AFF3: variants seen among roughly 807,000 people sequenced by gnomAD.
AFF3 encodes AF4/FMR2 family member 3.
AFF3 carries 32 observed loss-of-function variants against 129.7 expected under a neutral mutation model. The ratio of observed to expected loss-of-function variants is 0.25; its 90% CI spans 0.19 to 0.33. The LOEUF (loss-of-function observed/expected upper bound fraction) is 0.33, where lower values mean the gene tolerates loss of function less well. Among genes scored for constraint, AFF3 ranks in the 10% least tolerant of loss-of-function variants. The pLI is 1.00. For missense variants in AFF3, 1,373 were observed against 1,592.0 expected (o/e 0.86, Z 2.34); for synonymous variants, 644 against 635.4 (o/e 1.01, Z -0.20).
At chr2:99,917,090 T>C (rs900257471) in intron 7 of AFF3, among the ~76,000 whole-genome samples, 2 of 152,054 alleles carry the variant, frequency 1.3e-5, no homozygotes, top group African/African-American at 4.8e-5. Context: ...TCCTGGCAAA[T>C]GGGGCAAGCT....
At chr2:99,825,535 C>G (rs1476232726) in intron 8 of AFF3, among the ~76,000 whole-genome samples, 1 of 152,226 alleles carries the variant, frequency 6.6e-6, no homozygotes. Flanking sequence ...CTGCTTTACA[C>G]AGAGCATATT....
chr2:99,787,954 C>T (rs1234350942), intron 8 of AFF3, among the ~76,000 whole-genome samples: 1 of 152,178 alleles, frequency 6.6e-6, no homozygotes, highest in Non-Finnish European at 1.5e-5. Flanking sequence ...TAATGACAGA[C>T]TGCATATATG....
chr2:99,766,199 A>C (rs1204826099), intron 8 of AFF3, among the ~76,000 whole-genome samples: 1 of 152,230 alleles, frequency 6.6e-6, no homozygotes, highest in African/African-American at 2.4e-5. Context: ...GCCAGGATCA[A>C]AGTTCCCGGT....
At chr2:100,037,468 ATATT>A (rs1305252176) in intron 4 of AFF3, among the ~76,000 whole-genome samples, 16 of 111,278 alleles carry the variant, frequency 1.4e-4, no homozygotes, top group South Asian at 5.1e-4. Context: ...ATATAAATAT[ATATT>A]TATATTTTAT....
rs1355050346 is a variant in AFF3, at chr2:99,547,654, C to G, written c.*3820G>C. The G allele has an allele frequency of 9.5e-6, 2 of 209,904 alleles. No individual in the cohort carries two copies. The highest frequency in any genetic ancestry group is 1.4e-4 in the East Asian group (2 of 13,894). The allele number at this position is 209,904 out of a possible 1,614,324, so 13.0% of individuals were successfully genotyped here. A position where few individuals can be genotyped will look rare whatever the true frequency, so the allele number is the denominator to read the frequency against. On this transcript the variant is annotated 3_prime_UTR_variant, in exon 25 of 25. Coordinates refer to ENST00000672756, the MANE Select transcript of AFF3 (RefSeq NM_001386135.1). Reference sequence around the variant, plus strand: ...GATTAATTTTATAACAATTACTGCACTTCCAAGTTGATGCGAACACGCAGT... The same window carrying G: ...GATTAATTTTATAACAATTACTGCAGTTCCAAGTTGATGCGAACACGCAGT...
chr2:99,713,614 A>G, intron 11 of AFF3, among the ~76,000 whole-genome samples: 1 of 152,118 alleles, frequency 6.6e-6, no homozygotes, highest in Non-Finnish European at 1.5e-5. Flanking sequence ...CCCCCCGAGG[A>G]AAGGTACATT....
intron 7 of AFF3, among the ~76,000 whole-genome samples, chr2:99,970,807 T>C (rs1303909413): frequency 6.6e-6 from 1 of 152,204 alleles, no homozygotes; most frequent in Non-Finnish European, 1.5e-5. Flanking sequence ...ACTGTGCGGA[T>C]GAAGACATGG....
chr2:99,878,034 A>G (rs1692425690), intron 7 of AFF3, among the ~76,000 whole-genome samples: 4 of 152,206 alleles, frequency 2.6e-5, no homozygotes, highest in Admixed American at 2.0e-4. Context: ...CAGTCAGCTT[A>G]CCTTGATTAG....
intron 7 of AFF3, among the ~76,000 whole-genome samples, chr2:99,919,203 T>C (rs1369759511): frequency 2.0e-5 from 3 of 152,214 alleles, no homozygotes; most frequent in Non-Finnish European, 2.9e-5. Flanking sequence ...TTATGGATGA[T>C]CCATGAGCAT....
Position 99,582,817 on chromosome 2 carries a change from G to A in AFF3, c.2774C>T (p.Pro925Leu). 6.2e-7 allele frequency: 1 copy of A among 1,614,190 alleles called. No individual in the cohort carries two copies. ...ACAAACCGTGAGGTCTCCGCCGTGA[G>A]GCTGCAGCTGGCTGTCGGCCTTAGG... ...KKPKADSQLQ[P>L]HGGDLTKAAH... is the part of the protein sequence containing the mutation. Residue 925 changes from proline (P) to leucine (L), a missense_variant, in exon 17 of 25, where the codon CCT becomes CTT. Pro to Leu is a moderately conservative substitution (Grantham distance 98). Around this residue, in one of 9 missense-constraint regions of AFF3, gnomAD observed 466 missense variants for 505.0 expected, o/e 0.92. Transcript: ENST00000672756.
chr2:99,556,357 G>A (rs1241037460), intron 22 of AFF3, among the ~76,000 whole-genome samples: 4 of 152,048 alleles, frequency 2.6e-5, no homozygotes, highest in Non-Finnish European at 4.4e-5. Flanking sequence ...AGACAGAATC[G>A]CTTGAACCTG....
intron 8 of AFF3, among the ~76,000 whole-genome samples, chr2:99,829,650 GGAGA>G: frequency 6.6e-6 from 1 of 152,316 alleles, no homozygotes; most frequent in Middle Eastern, 3.4e-3. Context: ...GCAAGGCTGT[GGAGA>G]AAGAGGAATG....
At chr2:99,639,002 C>CT (rs1683936366) in intron 13 of AFF3, among the ~76,000 whole-genome samples, 4 of 152,128 alleles carry the variant, frequency 2.6e-5, no homozygotes, top group African/African-American at 9.7e-5. Context: ...TGAATTTCAC[C>CT]CGGAGGAGCC....
At chr2:99,943,206 G>A (rs555540164) in intron 7 of AFF3, among the ~76,000 whole-genome samples, 2 of 152,304 alleles carry the variant, frequency 1.3e-5, no homozygotes, top group South Asian at 4.1e-4. Context: ...TACAGCTGCA[G>A]AGAGCACCAG....
chr2:100,019,013 C>T (rs566612219), intron 4 of AFF3, among the ~76,000 whole-genome samples: 1 of 152,278 alleles, frequency 6.6e-6, no homozygotes, highest in South Asian at 2.1e-4. Context: ...TATTTTATAA[C>T]ATGCTTATGT....
chr2:99,641,053 C>T (rs1281458908), intron 13 of AFF3, among the ~76,000 whole-genome samples: 2 of 152,216 alleles, frequency 1.3e-5, no homozygotes, highest in African/African-American at 4.8e-5. Flanking sequence ...ACTCCCTGTC[C>T]ACCCTGCAGC....
intron 4 of AFF3, chr2:100,011,389 C>T: frequency 1.3e-6 from 1 of 760,582 alleles, no homozygotes; most frequent in South Asian, 1.4e-5. Context: ...ACCAGACACA[C>T]AAGACTGGTG....
intron 4 of AFF3, among the ~76,000 whole-genome samples, chr2:100,085,583 C>T (rs1298116430): frequency 6.8e-6 from 1 of 147,930 alleles, no homozygotes; most frequent in African/African-American, 2.5e-5. Context: ...CTACCCCAGG[C>T]ACTCTGGATC....
intron 7 of AFF3, among the ~76,000 whole-genome samples, chr2:99,864,274 T>C (rs1267210585): frequency 6.6e-6 from 1 of 152,198 alleles, no homozygotes. Context: ...ATCCCACTGG[T>C]GGACCTCCAT....
Sources: gnomAD v4.1 joint callset for allele counts (sites outside exome capture counted in the v4.1 genomes callset) on GRCh38, gnomAD v4.1.1 for gene constraint, gnomAD v4.1.1 regional missense constraint, MANE v1.5 for transcripts, NCBI Gene and HGNC (gene_info 2026-07-23, HGNC 2026-07-21) for gene names.